The following FRMD3 variants were observed in gnomAD, a reference collection of about 807,000 sequenced individuals.
The protein encoded by FRMD3 is FERM domain containing 3.
A neutral mutation model predicts 70.2 loss-of-function variants in FRMD3; 33 were observed. The observed-to-expected ratio is 0.47, with a 90% CI of 0.36 to 0.63. The LOEUF (loss-of-function observed/expected upper bound fraction) is 0.63. Ranked by LOEUF, FRMD3 falls within the 20% of genes least tolerant of loss-of-function variation. The pLI, the probability that FRMD3 is intolerant of heterozygous loss-of-function variation, is 0.00. For synonymous variants in FRMD3, 279 were observed against 255.9 expected (o/e 1.09, Z -0.86); for missense variants, 632 against 711.4 (o/e 0.89, Z 1.27).
Position 83,348,038 on chromosome 9 carries a change from T to C in FRMD3, c.374+1641A>G, listed in dbSNP as rs536567735. Among the ~76,000 whole-genome samples, 27 of 152,314 alleles carry C rather than the reference T, an allele frequency of 1.8e-4. No individual in the cohort carries two copies. The South Asian group carries it at 5.6e-3, about 32-fold the overall frequency. On this transcript the variant is annotated intron_variant, in intron 4 of 13. Coordinates refer to ENST00000304195, the MANE Select transcript of FRMD3 (RefSeq NM_174938.6). Reference sequence around the variant, plus strand: ...TTATTAACTGAAATGCTGTACTCTTTTACTTTCAAATAGGACTTTTTTCAA... The same window carrying C: ...TTATTAACTGAAATGCTGTACTCTTCTACTTTCAAATAGGACTTTTTTCAA...
At chr9:83,573,511 C>T in the FRMD3 span, among the ~76,000 whole-genome samples, 4 of 152,148 alleles carry the variant, frequency 2.6e-5, no homozygotes, top group African/African-American at 7.2e-5. Flanking sequence ...AGGACTGGAT[C>T]GCAAAAACCT....
the FRMD3 span, among the ~76,000 whole-genome samples, chr9:83,551,692 C>A: frequency 6.6e-6 from 1 of 151,932 alleles, no homozygotes; most frequent in Non-Finnish European, 1.5e-5. Context: ...TTCTTCCTGG[C>A]TCAGTCTTGG....
At chr9:83,320,315 T>G (rs928364171) in intron 6 of FRMD3, among the ~76,000 whole-genome samples, 1 of 152,214 alleles carries the variant, frequency 6.6e-6, no homozygotes, top group Non-Finnish European at 1.5e-5. Context: ...TTGACTATAT[T>G]AAGATATGTT....
At chr9:83,337,446 G>A (rs1201193562) in intron 5 of FRMD3, among the ~76,000 whole-genome samples, 2 of 152,126 alleles carry the variant, frequency 1.3e-5, no homozygotes, top group South Asian at 4.1e-4. Flanking sequence ...AGCAGAGATG[G>A]GTGTGTGAAC....
chr9:83,392,552 T>G (rs746614493), intron 1 of FRMD3, among the ~76,000 whole-genome samples: 7 of 152,192 alleles, frequency 4.6e-5, no homozygotes, highest in Non-Finnish European at 8.8e-5. Context: ...TGCTTCCTCC[T>G]GAACCTCCTG....
Position 83,393,680 on chromosome 9 carries a change from A to G in FRMD3, c.148-3972T>C, listed in dbSNP as rs1825731135. 4.6e-5 allele frequency among the ~76,000 whole-genome samples: 7 copies of G among 152,188 alleles called. No individual in the cohort carries two copies. The South Asian group carries it at 1.5e-3, about 32-fold the overall frequency. ...TGTGCAGCCTAGATCTCTCACCTGC[A>G]CAGCTCACAATAGCTTTGCACTCCC... On this transcript the variant is annotated intron_variant, in intron 1 of 13. Transcript: ENST00000304195.
upstream of FRMD3, among the ~76,000 whole-genome samples, chr9:83,541,140 C>G (rs920882372): frequency 6.6e-6 from 1 of 152,218 alleles, no homozygotes; most frequent in Non-Finnish European, 1.5e-5. Context: ...TCTCCTCCCA[C>G]CCCTCTCCCA....
intron 4 of FRMD3, among the ~76,000 whole-genome samples, chr9:83,346,320 A>G (rs942084319): frequency 4.6e-5 from 7 of 152,122 alleles, no homozygotes; most frequent in African/African-American, 1.4e-4. Flanking sequence ...CGAATACATA[A>G]AAGAAATGTG....
At chr9:83,413,048 GA>G (rs987936014) in intron 1 of FRMD3, among the ~76,000 whole-genome samples, 1 of 151,908 alleles carries the variant, frequency 6.6e-6, no homozygotes, top group African/African-American at 2.4e-5. Flanking sequence ...ATAAGAAAAA[GA>G]AAAAAATATG....
At chr9:83,498,733 C>T (rs1232867432) in intron 1 of FRMD3, among the ~76,000 whole-genome samples, 1 of 126,618 alleles carries the variant, frequency 7.9e-6, no homozygotes, top group Admixed American at 8.3e-5. Flanking sequence ...AAGCTATCAC[C>T]CCTTTAAAAA....
rs781718863 is a variant in FRMD3, at chr9:83,349,747, T to C, written c.306A>G (p.Pro102=). ...ATTTCACTCTAAAGCACATGGTGTA[T>C]GGTGGATGAGCTGAAACATCATAAA... ...SIFKQMKTHP[P]YTMCFRVKFY... The change falls in exon 4 of 14, where the codon CCA becomes CCG. Residue 102 remains proline, a synonymous_variant. Coordinates refer to ENST00000304195, the MANE Select transcript of FRMD3 (RefSeq NM_174938.6). 1.9e-6 allele frequency: 3 copies of C among 1,610,452 alleles called. No homozygotes were observed. The African/African-American group carries it at 4.0e-5, about 22-fold the overall frequency.
In FRMD3 at chr9:83,245,716, A is replaced by C; in HGVS notation, c.*2202T>G. The C allele has an allele frequency of 1.0e-6, 1 of 983,574 alleles. No individual in the cohort carries two copies. The highest frequency in any genetic ancestry group is 1.2e-6 in the Non-Finnish European group (1 of 828,286). The allele number at this position is 983,574 out of a possible 1,614,324, so 60.9% of individuals were successfully genotyped here. On this transcript the variant is annotated 3_prime_UTR_variant, in exon 14 of 14. Coordinates refer to ENST00000304195, the MANE Select transcript of FRMD3 (RefSeq NM_174938.6). ...GGCCAGATGATTTGTCATAGTCAGAACTTTAGAGAAAATTATATGACGCAT... is the reference window on the plus strand; with the variant it reads ...GGCCAGATGATTTGTCATAGTCAGACCTTTAGAGAAAATTATATGACGCAT...
At chr9:83,348,470 G>A (rs1824034554) in intron 4 of FRMD3, among the ~76,000 whole-genome samples, 2 of 152,294 alleles carry the variant, frequency 1.3e-5, no homozygotes, top group South Asian at 2.1e-4. Context: ...GGGGACTAGG[G>A]TGGAGAATAG....
At chr9:83,360,223 A>C (rs954855136) in intron 3 of FRMD3, among the ~76,000 whole-genome samples, 2 of 152,228 alleles carry the variant, frequency 1.3e-5, no homozygotes, top group Non-Finnish European at 2.9e-5. Flanking sequence ...ATGTTGTATA[A>C]CTAGCCAGAC....
At chr9:83,467,768 A>T (rs1828168369) in intron 1 of FRMD3, 11 of 1,471,652 alleles carry the variant, frequency 7.5e-6, no homozygotes, top group Non-Finnish European at 9.9e-6. Flanking sequence ...TGCAGTTTGA[A>T]TACTGCATTG....
intron 13 of FRMD3, among the ~76,000 whole-genome samples, chr9:83,273,008 TG>T (rs1171679938): frequency 7.9e-6 from 1 of 126,702 alleles, no homozygotes; most frequent in Non-Finnish European, 1.6e-5. Context: ...GGGAGGGAGG[TG>T]GGGGGCAGCC....
chr9:83,554,635 A>C, the FRMD3 span, among the ~76,000 whole-genome samples: 227 of 152,318 alleles, frequency 1.5e-3, no homozygotes, highest in East Asian at 0.014. Flanking sequence ...GATGTGGATA[A>C]GACACTTAAA....
At chr9:83,282,093 G>T (rs1289572252) in intron 13 of FRMD3, among the ~76,000 whole-genome samples, 1 of 152,244 alleles carries the variant, frequency 6.6e-6, no homozygotes, top group African/African-American at 2.4e-5. Flanking sequence ...GGCCAGGAAT[G>T]TGAGTATAAG....
chr9:83,535,915 G>A (rs886347424), intron 1 of FRMD3, among the ~76,000 whole-genome samples: 5 of 152,150 alleles, frequency 3.3e-5, no homozygotes, highest in Non-Finnish European at 7.3e-5. Flanking sequence ...ATTCCAAATG[G>A]TTTTGTTTCG....
Sources: gnomAD v4.1 joint callset for allele counts (sites outside exome capture counted in the v4.1 genomes callset) on GRCh38, gnomAD v4.1.1 for gene constraint, MANE v1.5 for transcripts, NCBI Gene and HGNC (gene_info 2026-07-23, HGNC 2026-07-21) for gene names.